CDH8: variants seen among roughly 807,000 people sequenced by gnomAD.
The protein encoded by CDH8 is cadherin-8.
CDH8 carries 17 observed loss-of-function variants against 68.1 expected under a neutral mutation model. The ratio of observed to expected loss-of-function variants is 0.25; its 90% CI spans 0.17 to 0.37. CDH8 has a LOEUF of 0.37. Ranked by LOEUF, CDH8 falls within the 10% of genes least tolerant of loss-of-function variation. CDH8 has a pLI of 1.00. For synonymous variants in CDH8, 372 were observed against 365.1 expected, an observed-to-expected ratio of 1.02 and a Z score of -0.21; for missense variants, 763 against 999.3, an observed-to-expected ratio of 0.76 and a Z score of 3.19.
intron 10 of CDH8, among the ~76,000 whole-genome samples, chr16:61,665,810 C>T (rs990074987): frequency 0.06 from 4,218 of 70,414 alleles, 72 homozygotes; most frequent in Middle Eastern, 0.095. Flanking sequence ...CTTCCTTTCC[C>T]TCCTTCCTTC....
chr16:61,924,680 T>G (rs1045082504), intron 2 of CDH8, among the ~76,000 whole-genome samples: 22 of 146,958 alleles, frequency 1.5e-4, no homozygotes, highest in South Asian at 4.3e-4. Context: ...TTAGTTTCTG[T>G]TTTTTTTTTT....
chr16:61,714,254 G>T lies in CDH8; in HGVS notation c.1537-296C>A, dbSNP rs552163677. The T allele has an allele frequency of 2.5e-4, 76 of 308,446 alleles. 1 individual carries two copies. Among genetic ancestry groups the T allele is most frequent in the Admixed American group, 1.5e-3 (29 of 18,982 alleles). 19.1% of individuals were successfully genotyped at this position (308,446 alleles called of 1,614,324 possible). A position where few individuals can be genotyped will look rare whatever the true frequency, so the allele number is the denominator to read the frequency against. On this transcript the variant is annotated intron_variant, in intron 9 of 11. Coordinates refer to ENST00000577390, the MANE Select transcript of CDH8 (RefSeq NM_001796.5). ...TGAAATATCCACTGGGCAATTACAG[G>T]TTTCTTTCCAATTTGAGTATTTACG...
At chr16:61,979,030 T>C (rs1463029228) in intron 2 of CDH8, among the ~76,000 whole-genome samples, 2 of 151,934 alleles carry the variant, frequency 1.3e-5, no homozygotes, top group Non-Finnish European at 2.9e-5. Flanking sequence ...CTTTAAACTT[T>C]TGAAAAGCAA....
intron 4 of CDH8, among the ~76,000 whole-genome samples, chr16:61,852,885 CCTTCCTTCCATT>C (rs1291635755): frequency 1.1e-4 from 13 of 113,122 alleles, no homozygotes; most frequent in South Asian, 3.0e-4. Context: ...TTCCTTCCTT[CCTTCCTTCCATT>C]CTTCCTTCCT....
chr16:61,680,149 C>T (rs1240700757), intron 10 of CDH8, among the ~76,000 whole-genome samples: 1 of 151,892 alleles, frequency 6.6e-6, no homozygotes, highest in Non-Finnish European at 1.5e-5. Context: ...CTCACTACAT[C>T]CTGAGATCTG....
At chr16:61,828,513 T>C (rs1250130340) in intron 4 of CDH8, among the ~76,000 whole-genome samples, 4 of 151,910 alleles carry the variant, frequency 2.6e-5, no homozygotes, top group African/African-American at 9.7e-5. Flanking sequence ...GTTTTATGCA[T>C]TCATGACATT....
Position 62,021,422 on chromosome 16 carries a change from A to G in CDH8, c.-19T>C. On this transcript the variant is annotated 5_prime_UTR_variant, in exon 2 of 12. Transcript: ENST00000577390. ...CTGGCATGGTCCCACCAGTTAAGCAAATCACCACGAAAATGAGACAATTAT... is the reference window on the plus strand; with the variant it reads ...CTGGCATGGTCCCACCAGTTAAGCAGATCACCACGAAAATGAGACAATTAT... 6.3e-7 allele frequency: 1 copy of G among 1,580,798 alleles called. No individual in the cohort carries two copies. The highest frequency in any genetic ancestry group is 1.2e-5 in the South Asian group (1 of 86,796).
At chr16:61,746,556 AACACACAC>A (rs71675273) in intron 8 of CDH8, among the ~76,000 whole-genome samples, 3,386 of 140,192 alleles carry the variant, frequency 0.024, 57 homozygotes, top group South Asian at 0.055. Flanking sequence ...ATTCCCCCCC[AACACACAC>A]ACACACACAC....
At chr16:61,832,383 C>G (rs150804207) in intron 4 of CDH8, among the ~76,000 whole-genome samples, 16 of 115,396 alleles carry the variant, frequency 1.4e-4, no homozygotes, top group East Asian at 2.5e-4. Flanking sequence ...TAGATAGATA[C>G]ATAGAGAAAT....
At chr16:61,691,031 T>G (rs961051754) in intron 10 of CDH8, among the ~76,000 whole-genome samples, 1 of 152,086 alleles carries the variant, frequency 6.6e-6, no homozygotes, top group African/African-American at 2.4e-5. Context: ...TCCTTGTATA[T>G]CTGGCTGTCT....
chr16:62,019,661 G>A (rs977934131), intron 2 of CDH8, among the ~76,000 whole-genome samples: 3 of 151,926 alleles, frequency 2.0e-5, no homozygotes, highest in South Asian at 2.1e-4. Context: ...GCCTCAAGTC[G>A]GTTCTGCTCC....
chr16:61,929,712 C>A (rs1567532875), intron 2 of CDH8, among the ~76,000 whole-genome samples: 1 of 151,858 alleles, frequency 6.6e-6, no homozygotes, highest in Non-Finnish European at 1.5e-5. Context: ...CATAAGCTGA[C>A]CCCATCTCCA....
chr16:61,889,567 C>T (rs143428293), intron 3 of CDH8, among the ~76,000 whole-genome samples: 18 of 152,208 alleles, frequency 1.2e-4, no homozygotes, highest in Non-Finnish European at 2.2e-4. Flanking sequence ...ATATGTGTTT[C>T]GGAGCTGCCC....
intron 4 of CDH8, among the ~76,000 whole-genome samples, chr16:61,844,839 A>T (rs1962770361): frequency 6.6e-6 from 1 of 152,204 alleles, no homozygotes; most frequent in Non-Finnish European, 1.5e-5. Flanking sequence ...TCAGTTTATC[A>T]ATATCTGATC....
At chr16:61,904,506 G>C (rs377617334) in intron 2 of CDH8, among the ~76,000 whole-genome samples, 1 of 152,190 alleles carries the variant, frequency 6.6e-6, no homozygotes, top group East Asian at 1.9e-4. Context: ...GAGGTGAGCA[G>C]CAGATGAGCG....
Position 61,836,971 on chromosome 16 carries a change from C to G in CDH8, c.668-11792G>C, listed in dbSNP as rs148482741. ...AACCCTGGATAATCTTCTCACCACT[C>G]CTTTTGTTCCTTTCAAGCCAATACC... On this transcript the variant is annotated intron_variant, in intron 4 of 11. Transcript: ENST00000577390. Among the ~76,000 whole-genome samples, 410 of 152,114 alleles carry G rather than the reference C, an allele frequency of 2.7e-3. 2 individuals are homozygous for G. The highest frequency in any genetic ancestry group is 4.9e-3 in the Non-Finnish European group (332 of 67,972).
chr16:61,857,811 T>C (rs1032205862), intron 3 of CDH8, among the ~76,000 whole-genome samples: 2 of 152,052 alleles, frequency 1.3e-5, no homozygotes, highest in African/African-American at 4.8e-5. Context: ...TTTTATTCAC[T>C]CATTCATTCA....
chr16:61,986,620 T>G (rs140219289), intron 2 of CDH8, among the ~76,000 whole-genome samples: 1 of 152,284 alleles, frequency 6.6e-6, no homozygotes, highest in East Asian at 1.9e-4. Context: ...GAGATATGTG[T>G]CCAAGCAGTC....
At chr16:61,770,256 G>A (rs576714646) in intron 8 of CDH8, among the ~76,000 whole-genome samples, 7 of 151,950 alleles carry the variant, frequency 4.6e-5, no homozygotes, top group African/African-American at 1.7e-4. Flanking sequence ...TTTATTTTCT[G>A]TTCTTTATTG....
Sources: allele counts gnomAD v4.1 joint callset (sites outside exome capture counted in the v4.1 genomes callset), GRCh38; gene constraint gnomAD v4.1.1; transcripts MANE v1.5; gene names NCBI Gene and HGNC (gene_info 2026-07-23, HGNC 2026-07-21).